HMGCLL1: variants seen among roughly 807,000 people sequenced by gnomAD.
HMGCLL1 encodes the protein 3-hydroxymethyl-3-methylglutaryl-CoA lyase, cytoplasmic.
Under a neutral mutation model 39.1 loss-of-function variants are expected in HMGCLL1, and 36 were observed. That is an observed-to-expected ratio of 0.92 (90% CI 0.71 to 1.22). The LOEUF is 1.22. Among genes scored for constraint, HMGCLL1 ranks in the 50% most tolerant of loss-of-function variants. HMGCLL1 has a pLI of 0.00. For missense variants in HMGCLL1, 451 were observed against 416.5 expected, an observed-to-expected ratio of 1.08 and a Z score of -0.72; for synonymous variants, 149 against 144.0, an observed-to-expected ratio of 1.03 and a Z score of -0.25.
chr6:55,639,789 G>GA, the HMGCLL1 span, among the ~76,000 whole-genome samples: 1 of 151,992 alleles, frequency 6.6e-6, no homozygotes, highest in African/African-American at 2.4e-5. Context: ...AAGAAAAAGA[G>GA]AAACGTGGGC....
intron 1 of HMGCLL1, among the ~76,000 whole-genome samples, chr6:55,575,072 G>A (rs1324447341): frequency 6.6e-6 from 1 of 151,942 alleles, no homozygotes; most frequent in Non-Finnish European, 1.5e-5. Context: ...AAATCAAAGG[G>A]GGATCGCTTC....
the HMGCLL1 span, among the ~76,000 whole-genome samples, chr6:55,657,215 T>G: frequency 6.6e-6 from 1 of 151,974 alleles, no homozygotes; most frequent in African/African-American, 2.4e-5. Flanking sequence ...GAGATCCCAT[T>G]TTGTCAATTT....
At chr6:55,651,528 T>G in the HMGCLL1 span, among the ~76,000 whole-genome samples, 2 of 152,104 alleles carry the variant, frequency 1.3e-5, no homozygotes, top group African/African-American at 4.8e-5. Context: ...CTTTCCTTGC[T>G]AAGAGCTGCG....
At chr6:55,558,502 A>G (rs1426583288) in intron 1 of HMGCLL1, among the ~76,000 whole-genome samples, 1 of 152,190 alleles carries the variant, frequency 6.6e-6, no homozygotes, top group Non-Finnish European at 1.5e-5. Flanking sequence ...CTGAAAGAAT[A>G]CAGACTTAAT....
intron 7 of HMGCLL1, among the ~76,000 whole-genome samples, chr6:55,452,941 C>A (rs186694200): frequency 6.6e-6 from 1 of 152,108 alleles, no homozygotes; most frequent in Non-Finnish European, 1.5e-5. Flanking sequence ...TTCAGAAACA[C>A]CAGTGAGATG....
intron 3 of HMGCLL1, among the ~76,000 whole-genome samples, chr6:55,533,403 T>C (rs1768804221): frequency 6.6e-6 from 1 of 152,134 alleles, no homozygotes; most frequent in Non-Finnish European, 1.5e-5. Context: ...CTTAAAATAA[T>C]TCTGGGTGTT....
At chr6:55,658,599 CAAT>C in the HMGCLL1 span, among the ~76,000 whole-genome samples, 544 of 151,954 alleles carry the variant, frequency 3.6e-3, 2 homozygotes, top group African/African-American at 0.012. Flanking sequence ...AAACCAACAA[CAAT>C]GACAACAAAA....
the HMGCLL1 span, among the ~76,000 whole-genome samples, chr6:55,663,693 T>C: frequency 2.6e-5 from 4 of 151,754 alleles, no homozygotes; most frequent in Admixed American, 2.0e-4. Flanking sequence ...TCAGATCCAT[T>C]TGGTTCAATG....
the HMGCLL1 span, among the ~76,000 whole-genome samples, chr6:55,647,688 T>A: frequency 6.6e-6 from 1 of 150,658 alleles, no homozygotes; most frequent in Admixed American, 6.6e-5. Flanking sequence ...TTCTACACTT[T>A]AATTTTATTC....
chr6:55,514,110 T>C lies in HMGCLL1; in HGVS notation c.480A>G (p.Glu160=), dbSNP rs1426323565. The C allele has an allele frequency of 9.9e-6, 16 of 1,613,134 alleles. No homozygotes were observed. Among genetic ancestry groups the C allele is most frequent in the Non-Finnish European group, 1.3e-5 (15 of 1,179,470 alleles). Reference sequence around the variant, plus strand: ...CAACCTCCTCAAATTTTCCCATACTTTCTTCAATGGAACAGTTAATATTCT... The same window carrying C: ...CAACCTCCTCAAATTTTCCCATACTCTCTTCAATGGAACAGTTAATATTCT... ...SKKNINCSIE[E]SMGKFEEVVK... Residue 160 remains glutamate, a synonymous_variant, in exon 5 of 9, where the codon GAA becomes GAG. Transcript: ENST00000274901.
intron 5 of HMGCLL1, among the ~76,000 whole-genome samples, chr6:55,501,523 G>A (rs1336930112): frequency 4.0e-5 from 6 of 151,868 alleles, no homozygotes; most frequent in Non-Finnish European, 4.4e-5. Context: ...GGCCTCTACC[G>A]TCATGAATAT....
intron 6 of HMGCLL1, among the ~76,000 whole-genome samples, chr6:55,496,863 T>C (rs1766609392): frequency 6.6e-6 from 1 of 152,116 alleles, no homozygotes; most frequent in Non-Finnish European, 1.5e-5. Flanking sequence ...CAGTAAGCTA[T>C]TAGTAGTTAA....
At chr6:55,592,589 C>A in the HMGCLL1 span, among the ~76,000 whole-genome samples, 1 of 151,990 alleles carries the variant, frequency 6.6e-6, no homozygotes, top group African/African-American at 2.4e-5. Flanking sequence ...GGCTTTTACT[C>A]ACTAGATGCC....
rs186797602 is a variant in HMGCLL1, at chr6:55,473,997, T to C, written c.795+21422A>G. On this transcript the variant is annotated intron_variant, in intron 7 of 8. Coordinates refer to ENST00000274901, the MANE Select transcript of HMGCLL1 (RefSeq NM_001042406.2). ...TGCAATTCTTAATTTCATTTCTCTA[T>C]AGATACGGTGTATTTTTTCTCTGGC... Among the ~76,000 whole-genome samples, 3 of 151,684 alleles carry C rather than the reference T, an allele frequency of 2.0e-5. No homozygotes were observed. In the East Asian group the frequency reaches 5.8e-4, roughly 29 times the overall value.
chr6:55,471,725 G>A (rs990331540), intron 7 of HMGCLL1, among the ~76,000 whole-genome samples: 3 of 151,132 alleles, frequency 2.0e-5, no homozygotes, highest in Non-Finnish European at 4.4e-5. Context: ...TACATATAGA[G>A]AAGAGCACAA....
At chr6:55,623,673 A>C in the HMGCLL1 span, among the ~76,000 whole-genome samples, 1 of 149,074 alleles carries the variant, frequency 6.7e-6, no homozygotes, top group Admixed American at 6.8e-5. Flanking sequence ...ACACAAACAT[A>C]TTATATATAA....
chr6:55,581,867 A>G (rs1355395251), upstream of HMGCLL1, among the ~76,000 whole-genome samples: 2 of 151,910 alleles, frequency 1.3e-5, no homozygotes, highest in Non-Finnish European at 2.9e-5. Flanking sequence ...TTCACCTCAA[A>G]TTAAAGTAAA....
chr6:55,493,795 C>A (rs962609635), intron 7 of HMGCLL1, among the ~76,000 whole-genome samples: 1 of 151,644 alleles, frequency 6.6e-6, no homozygotes. Flanking sequence ...TGCAGTGGTA[C>A]GATCTCGGCT....
At chr6:55,495,280 T>C in intron 7 of HMGCLL1, 139 bp downstream of exon 7, 1 of 614,066 alleles carries the variant, frequency 1.6e-6, no homozygotes, top group Non-Finnish European at 2.7e-6. Context: ...CCCAAGTGCC[T>C]GTCATGTACA....
Sources: allele counts gnomAD v4.1 joint callset (sites outside exome capture counted in the v4.1 genomes callset), GRCh38; gene constraint gnomAD v4.1.1; transcripts MANE v1.5; gene names NCBI Gene and HGNC (gene_info 2026-07-23, HGNC 2026-07-21).